TYW1: variants seen among roughly 807,000 people sequenced by gnomAD.
TYW1 encodes S-adenosyl-L-methionine-dependent tRNA 4-demethylwyosine synthase TYW1.
In TYW1, 46 loss-of-function variants were observed where a neutral mutation model predicts 96.2. The ratio of observed to expected loss-of-function variants is 0.48; its 90% CI spans 0.38 to 0.61. TYW1 has a LOEUF of 0.61. Among genes scored for constraint, TYW1 ranks in the 20% least tolerant of loss-of-function variants. The pLI is 0.00. For synonymous variants in TYW1, 274 were observed against 323.0 expected (o/e 0.85, Z 1.63); for missense variants, 684 against 909.6 (o/e 0.75, Z 3.19).
chr7:66,997,485 A>G (rs1367745524), intron 1 of TYW1, among the ~76,000 whole-genome samples: 3 of 152,342 alleles, frequency 2.0e-5, no homozygotes, highest in African/African-American at 7.2e-5. Flanking sequence ...AAGTATTTTT[A>G]CTTTGTGTTC....
At chr7:67,169,920 C>G (rs1799465872) in intron 13 of TYW1, among the ~76,000 whole-genome samples, 3 of 152,178 alleles carry the variant, frequency 2.0e-5, no homozygotes, top group Non-Finnish European at 4.4e-5. Context: ...CTATATTTAA[C>G]TTTTTCAGGA....
chr7:67,044,790 T>C (rs1474144325), intron 7 of TYW1, among the ~76,000 whole-genome samples: 1 of 152,024 alleles, frequency 6.6e-6, no homozygotes, highest in Admixed American at 6.6e-5. Flanking sequence ...CGGCTAATTT[T>C]TGTATTTTTA....
chr7:67,090,708 G>A (rs1796687930), intron 11 of TYW1, among the ~76,000 whole-genome samples: 4 of 152,208 alleles, frequency 2.6e-5, no homozygotes, highest in Admixed American at 2.6e-4. Flanking sequence ...GTGCCTGTGT[G>A]TGTGTGTGAG....
rs114810604 is a variant in TYW1 at position 67,214,126 on chromosome 7, T to C, written c.1977+18789T>C. Among the ~76,000 whole-genome samples, 993 of 152,340 alleles carry C rather than the reference T, an allele frequency of 6.5e-3. 8 individuals are homozygous for C. Among genetic ancestry groups the C allele is most frequent in the African/African-American group, 0.022 (926 of 41,576 alleles). On this transcript the variant is annotated intron_variant, in intron 15 of 15. Coordinates refer to ENST00000359626, the MANE Select transcript of TYW1 (RefSeq NM_018264.4). Reference sequence around the variant, plus strand: ...AAAAACTGACAGCTATATTGAGTCTTCTAATCCGTGAACATGGAATATCCT... The same window carrying C: ...AAAAACTGACAGCTATATTGAGTCTCCTAATCCGTGAACATGGAATATCCT...
intron 9 of TYW1, among the ~76,000 whole-genome samples, chr7:67,061,311 A>C (rs560585755): frequency 6.6e-6 from 1 of 152,356 alleles, no homozygotes; most frequent in African/African-American, 2.4e-5. Context: ...GGAAATTAGA[A>C]GAATTCAGAA....
chr7:67,193,043 A>G (rs1013734686), intron 14 of TYW1, among the ~76,000 whole-genome samples: 4 of 152,198 alleles, frequency 2.6e-5, no homozygotes, highest in African/African-American at 9.7e-5. Flanking sequence ...AGCTCTTTCT[A>G]TTCAGACTCC....
chr7:67,121,328 G>A (rs1375774785), intron 13 of TYW1, among the ~76,000 whole-genome samples: 1 of 152,186 alleles, frequency 6.6e-6, no homozygotes, highest in African/African-American at 2.4e-5. Context: ...TTGAGGTCAG[G>A]AGTTCAAGAC....
At chr7:67,036,024 A>G (rs1185409904) in intron 7 of TYW1, among the ~76,000 whole-genome samples, 1 of 146,544 alleles carries the variant, frequency 6.8e-6, no homozygotes, top group Non-Finnish European at 1.5e-5. Flanking sequence ...TCAGATCAGA[A>G]TGGTTTTGAT....
intron 11 of TYW1, among the ~76,000 whole-genome samples, chr7:67,097,163 C>T (rs923922276): frequency 1.1e-4 from 17 of 151,816 alleles, no homozygotes; most frequent in Non-Finnish European, 2.2e-4. Flanking sequence ...GAATTGCCTG[C>T]ACCCCTCCGC....
intron 11 of TYW1, among the ~76,000 whole-genome samples, chr7:67,096,651 GGTTT>G (rs1796927422): frequency 1.3e-5 from 2 of 150,804 alleles, no homozygotes; most frequent in South Asian, 2.1e-4. Flanking sequence ...GTGTCATGGG[GGTTT>G]GTTGTACAGA....
chr7:67,194,830 A>G (rs1347924057), intron 14 of TYW1, among the ~76,000 whole-genome samples: 4 of 145,766 alleles, frequency 2.7e-5, no homozygotes, highest in Non-Finnish European at 4.5e-5. Flanking sequence ...TAATTCCTCA[A>G]TTATAGTGCA....
intron 13 of TYW1, among the ~76,000 whole-genome samples, chr7:67,169,538 C>G (rs1799454439): frequency 6.6e-6 from 1 of 152,082 alleles, no homozygotes; most frequent in African/African-American, 2.4e-5. Flanking sequence ...GTAGCTGGGA[C>G]TACAGGCACC....
chr7:67,228,835 T>G (rs1176034199), intron 15 of TYW1, among the ~76,000 whole-genome samples: 1 of 152,152 alleles, frequency 6.6e-6, no homozygotes, highest in East Asian at 1.9e-4. Context: ...TGATACAAGT[T>G]TTTTCTTTGT....
chr7:67,196,845 T>C (rs1800411702), intron 15 of TYW1, among the ~76,000 whole-genome samples: 1 of 152,034 alleles, frequency 6.6e-6, no homozygotes, highest in African/African-American at 2.4e-5. Context: ...GCCAATTCAG[T>C]TCTTCAAGTG....
At chr7:67,171,304 C>T (rs575136742) in intron 13 of TYW1, among the ~76,000 whole-genome samples, 3 of 152,090 alleles carry the variant, frequency 2.0e-5, no homozygotes, top group Non-Finnish European at 2.9e-5. Context: ...GCTAAAGGTC[C>T]GTTTAGTTGA....
intron 12 of TYW1, among the ~76,000 whole-genome samples, chr7:67,115,524 A>G (rs1222710018): frequency 6.6e-6 from 1 of 152,164 alleles, no homozygotes; most frequent in Non-Finnish European, 1.5e-5. Context: ...CTCCACTTTC[A>G]ACAGAAGTGA....
At chr7:67,165,968 A>G (rs1195379627) in intron 13 of TYW1, among the ~76,000 whole-genome samples, 6 of 152,036 alleles carry the variant, frequency 3.9e-5, no homozygotes, top group Non-Finnish European at 8.8e-5. Flanking sequence ...GGCCAGGCAC[A>G]GTGGCTTATG....
rs200944226 is a variant in TYW1 at position 67,045,070 on chromosome 7, A to G, written c.985-4879A>G. On this transcript the variant is annotated intron_variant, in intron 7 of 15. Coordinates refer to ENST00000359626, the MANE Select transcript of TYW1 (RefSeq NM_018264.4). Reference sequence around the variant, plus strand: ...GTAAAACTCATGTTTGTCAGTTTCCAACTATATAGCATTTTACCTTAAAGT... The same window carrying G: ...GTAAAACTCATGTTTGTCAGTTTCCGACTATATAGCATTTTACCTTAAAGT... Among the ~76,000 whole-genome samples, 3 of 152,342 alleles carry G rather than the reference A, an allele frequency of 2.0e-5. No individual in the cohort carries two copies. In the East Asian group the frequency reaches 5.8e-4, roughly 29 times the overall value.
intron 15 of TYW1, among the ~76,000 whole-genome samples, chr7:67,221,268 A>T (rs1293787485): frequency 1.3e-5 from 2 of 152,144 alleles, no homozygotes; most frequent in Admixed American, 6.5e-5. Context: ...TAACCTTTTT[A>T]ATTCAAAGTC....
Sources: allele counts gnomAD v4.1 joint callset (sites outside exome capture counted in the v4.1 genomes callset), GRCh38; gene constraint gnomAD v4.1.1; transcripts MANE v1.5; gene names NCBI Gene and HGNC (gene_info 2026-07-23, HGNC 2026-07-21).